Variants in CTNND2 observed in about 807,000 individuals in gnomAD.
The protein encoded by CTNND2 is catenin delta 2.
CTNND2 carries 22 observed loss-of-function variants against 144.4 expected under a neutral mutation model. That is an observed-to-expected ratio of 0.15 (90% CI 0.11 to 0.22). The LOEUF is 0.22. CTNND2 is among the 10% of genes least tolerant of loss of function. CTNND2 has a pLI of 1.00. For synonymous variants in CTNND2, 751 were observed against 695.6 expected (o/e 1.08, Z -1.25); for missense variants, 1,353 against 1,618.8 (o/e 0.84, Z 2.82).
rs139032430 is a variant in CTNND2 at position 11,182,778 on chromosome 5, T to G, written c.1975+16670A>C. Among the ~76,000 whole-genome samples the G allele has an allele frequency of 3.2e-4, 49 of 152,314 alleles. No homozygotes were observed. The East Asian group carries it at 8.1e-3, about 25-fold the overall frequency. ...GACAGACTTTCTGTGGCCTAATGAT[T>G]TTTTAAAAGGTAATTTGCATAGATA... On this transcript the variant is annotated intron_variant, in intron 11 of 21. Coordinates refer to ENST00000304623, the MANE Select transcript of CTNND2 (RefSeq NM_001332.4).
chr5:11,258,639 A>G (rs1412044855), intron 9 of CTNND2, among the ~76,000 whole-genome samples: 2 of 152,140 alleles, frequency 1.3e-5, no homozygotes, highest in Non-Finnish European at 2.9e-5. Context: ...GTTTTTTTCA[A>G]TGTGGCAGGT....
chr5:11,497,359 G>C (rs1415653497), intron 3 of CTNND2, among the ~76,000 whole-genome samples: 1 of 151,956 alleles, frequency 6.6e-6, no homozygotes, highest in African/African-American at 2.4e-5. Flanking sequence ...GATGCAAATA[G>C]AAATTATGAT....
intron 3 of CTNND2, among the ~76,000 whole-genome samples, chr5:11,465,485 A>G (rs1257002199): frequency 3.9e-5 from 6 of 152,152 alleles, no homozygotes; most frequent in Non-Finnish European, 8.8e-5. Flanking sequence ...CGATGTCCCA[A>G]TTTTGAAATG....
At chr5:11,235,456 GT>G (rs952934735) in intron 10 of CTNND2, among the ~76,000 whole-genome samples, 6 of 152,136 alleles carry the variant, frequency 3.9e-5, no homozygotes, top group Non-Finnish European at 8.8e-5. Flanking sequence ...CACTTTAACA[GT>G]TGGTATTTTT....
At chr5:11,204,903 T>C (rs1211034786) in intron 10 of CTNND2, among the ~76,000 whole-genome samples, 1 of 152,030 alleles carries the variant, frequency 6.6e-6, no homozygotes, top group Non-Finnish European at 1.5e-5. Flanking sequence ...ACAGAAGATA[T>C]CGCTCACCTG....
chr5:11,465,302 CT>C (rs538279094), intron 3 of CTNND2, among the ~76,000 whole-genome samples: 482 of 139,220 alleles, frequency 3.5e-3, no homozygotes, highest in Admixed American at 5.5e-3. Flanking sequence ...CAAAACTGAA[CT>C]TTTTTTTTTT....
chr5:11,699,343 T>G (rs1785304927), intron 2 of CTNND2, among the ~76,000 whole-genome samples: 1 of 152,096 alleles, frequency 6.6e-6, no homozygotes, highest in Non-Finnish European at 1.5e-5. Flanking sequence ...AGGAATGGCC[T>G]ATTTCTTAGG....
At chr5:11,841,437 T>A (rs1250802717) in intron 1 of CTNND2, among the ~76,000 whole-genome samples, 1 of 152,208 alleles carries the variant, frequency 6.6e-6, no homozygotes, top group Admixed American at 6.5e-5. Flanking sequence ...CATAAGTTGA[T>A]TAAGTCTGTA....
intron 9 of CTNND2, among the ~76,000 whole-genome samples, chr5:11,320,869 G>A (rs1487121542): frequency 6.6e-6 from 1 of 151,990 alleles, no homozygotes; most frequent in Non-Finnish European, 1.5e-5. Context: ...AATAGGCCCT[G>A]GTTAATCTTA....
intron 3 of CTNND2, among the ~76,000 whole-genome samples, chr5:11,549,308 A>T (rs1246135724): frequency 6.6e-6 from 1 of 152,194 alleles, no homozygotes. Context: ...ACATTGTGTA[A>T]CACATGGTAC....
At chr5:11,733,477 AGTTTGAGAGG>A (rs1285935526) in intron 1 of CTNND2, among the ~76,000 whole-genome samples, 1 of 152,296 alleles carries the variant, frequency 6.6e-6, no homozygotes. Context: ...AGAAAAATAG[AGTTTGAGAGG>A]GTTTTTCCCA....
chr5:11,593,577 C>T (rs908098375), intron 2 of CTNND2, among the ~76,000 whole-genome samples: 3 of 152,142 alleles, frequency 2.0e-5, no homozygotes, highest in East Asian at 3.9e-4. Flanking sequence ...AGGTTTTTCC[C>T]GTGCTGTTCT....
intron 9 of CTNND2, among the ~76,000 whole-genome samples, chr5:11,339,399 G>A (rs938772497): frequency 4.6e-5 from 7 of 152,106 alleles, no homozygotes; most frequent in African/African-American, 1.7e-4. Flanking sequence ...GCAGTACCGC[G>A]GGAGGAGGTG....
rs191147629 is a variant in CTNND2, at chr5:11,142,544, A to G, written c.2159+17032T>C. 6.9e-4 allele frequency among the ~76,000 whole-genome samples: 105 copies of G among 152,082 alleles called. 2 individuals carry two copies. The highest frequency in any genetic ancestry group is 2.4e-3 in the African/African-American group (101 of 41,448). ...TTTATAGTTCACTTATAAGAAATAG[A>G]AGTATTTTGTTTTCCATAAGACAGG... is the stretch of plus-strand genomic sequence containing the variant. On this transcript the variant is annotated intron_variant, in intron 12 of 21. Coordinates refer to ENST00000304623, the MANE Select transcript of CTNND2 (RefSeq NM_001332.4).
chr5:11,790,460 C>T (rs548357358), intron 1 of CTNND2, among the ~76,000 whole-genome samples: 4 of 152,232 alleles, frequency 2.6e-5, no homozygotes, highest in Non-Finnish European at 4.4e-5. Context: ...TCAGTTTAAA[C>T]CTATGCTCTC....
Position 11,470,954 on chromosome 5 carries a change from GTA to G in CTNND2, c.288-58887_288-58886del, listed in dbSNP as rs71595821. Among the ~76,000 whole-genome samples the G allele has an allele frequency of 4.3e-3, 272 of 63,242 alleles. 4 individuals carry two copies. The highest frequency in any genetic ancestry group is 0.035 in the South Asian group (45 of 1,272). The allele number at this position is 63,242 out of a possible 152,430, so 41.5% of individuals were successfully genotyped here. A position where few individuals can be genotyped will look rare whatever the true frequency, so the allele number is the denominator to read the frequency against. ...TACTTTAGCTATTATTTGATACAAA[GTA>G]TATATATATATATATATATATATAT... On this transcript the variant is annotated intron_variant, in intron 3 of 21. Transcript: ENST00000304623.
intron 2 of CTNND2, among the ~76,000 whole-genome samples, chr5:11,667,866 C>G (rs1783661902): frequency 6.6e-6 from 1 of 152,120 alleles, no homozygotes; most frequent in Admixed American, 6.5e-5. Flanking sequence ...ATGGTATTGC[C>G]TAGGTTTTAT....
intron 3 of CTNND2, among the ~76,000 whole-genome samples, chr5:11,548,114 A>G (rs1303020556): frequency 6.6e-6 from 1 of 152,272 alleles, no homozygotes; most frequent in Non-Finnish European, 1.5e-5. Flanking sequence ...ATCTGCACAG[A>G]GTGCAGCAAA....
intron 1 of CTNND2, among the ~76,000 whole-genome samples, chr5:11,802,673 A>T (rs1171850935): frequency 6.6e-6 from 1 of 152,254 alleles, no homozygotes; most frequent in East Asian, 1.9e-4. Context: ...ATATATAATA[A>T]AACCATGAAA....
Sources: gnomAD v4.1 joint callset for allele counts (sites outside exome capture counted in the v4.1 genomes callset) on GRCh38, gnomAD v4.1.1 for gene constraint, MANE v1.5 for transcripts, NCBI Gene and HGNC (gene_info 2026-07-23, HGNC 2026-07-21) for gene names.